Variants in PISD observed in about 807,000 individuals in gnomAD.
PISD encodes phosphatidylserine decarboxylase proenzyme, mitochondrial.
Under a neutral mutation model 43.5 loss-of-function variants are expected in PISD, and 31 were observed. The observed-to-expected ratio is 0.71, with a 90% confidence interval of 0.54 to 0.96. The LOEUF (loss-of-function observed/expected upper bound fraction) is 0.96, where lower values mean the gene tolerates loss of function less well. Among genes scored for constraint, PISD ranks in the 40% least tolerant of loss-of-function variants. The pLI, the probability that PISD is intolerant of heterozygous loss-of-function variation, is 0.00. For missense variants in PISD, 523 were observed against 548.4 expected, an observed-to-expected ratio of 0.95 and a Z score of 0.46; for synonymous variants, 259 against 228.7, an observed-to-expected ratio of 1.13 and a Z score of -1.20.
At chr22:31,644,901 G>A (rs1200038917) in intron 3 of PISD, among the ~76,000 whole-genome samples, 1 of 152,072 alleles carries the variant, frequency 6.6e-6, no homozygotes, top group Non-Finnish European at 1.5e-5. Flanking sequence ...GAGGCGGGTG[G>A]ATCATGAGGT....
At position 31,648,217 on chromosome 22, in the gene PISD, T is replaced by C. The variant is rs1465700568; in HGVS notation, c.205A>G (p.Ile69Val). ...RTMFLLRPLPILLVTGGGYAG... is the reference protein window; with the variant it reads ...RTMFLLRPLPVLLVTGGGYAG... ...TACCCGCCGCCTGTCACCAACAGAA[T>C]GGGCAGGGGACGCAGCAGGAACATG... The change falls in exon 3 of 8, where the codon ATT (isoleucine) becomes GTT (valine). Residue 69 changes from isoleucine (I) to valine (V), a missense_variant. Physicochemically the swap from Ile to Val is conservative, Grantham distance 29 (BLOSUM62 3). Transcript: ENST00000439502. 1.9e-6 allele frequency: 3 copies of C among 1,612,252 alleles called. No homozygotes were observed. The highest frequency in any genetic ancestry group is 1.3e-5 in the African/African-American group (1 of 74,974).
upstream of PISD, chr22:31,662,365 C>A (rs2074347827): frequency 1.4e-6 from 1 of 705,048 alleles, no homozygotes; most frequent in East Asian, 2.6e-5. Flanking sequence ...ACCTAACCCG[C>A]TTGGCACCTG....
Position 31,650,694 on chromosome 22 carries a change from C to T in PISD, c.145+5G>A. 1 of 1,532,568 alleles carries T rather than the reference C, an allele frequency of 6.5e-7. No individual in the cohort carries two copies. Among genetic ancestry groups the T allele is most frequent in the Non-Finnish European group, 8.8e-7 (1 of 1,130,178 alleles). The allele number at this position is 1,532,568 out of a possible 1,614,324, so 94.9% of individuals were successfully genotyped here. On this transcript the variant is annotated splice_donor_5th_base_variant and intron_variant, in intron 2 of 7. Transcript: ENST00000439502. ...GGGTCACCACCATCTCTAATTGCTCCTTACCTGTGCGAAAGGCTCTAAAAG... is the reference window on the plus strand; with the variant it reads ...GGGTCACCACCATCTCTAATTGCTCTTTACCTGTGCGAAAGGCTCTAAAAG...
At chr22:31,640,956 C>T (rs1168613692) in intron 3 of PISD, among the ~76,000 whole-genome samples, 12 of 129,206 alleles carry the variant, frequency 9.3e-5, no homozygotes, top group African/African-American at 1.4e-4. Context: ...GGCGCAATCT[C>T]GGCTCACTGC....
intron 3 of PISD, among the ~76,000 whole-genome samples, chr22:31,623,467 CACG>C (rs1336583703): frequency 6.6e-6 from 1 of 152,234 alleles, no homozygotes; most frequent in Non-Finnish European, 1.5e-5. Flanking sequence ...GTGGGCAGGG[CACG>C]ACATGCCCTC....
chr22:31,637,164 A>C (rs9306267), intron 3 of PISD, among the ~76,000 whole-genome samples: 8 of 13,654 alleles, frequency 5.9e-4, no homozygotes, highest in African/African-American at 2.5e-3. Flanking sequence ...AAAAAAAAAA[A>C]ATATATATAT....
intron 3 of PISD, chr22:31,629,425 T>C (rs1241731590): frequency 6.6e-6 from 1 of 151,064 alleles, no homozygotes; most frequent in Non-Finnish European, 1.4e-5. Context: ...GGTGTGAGGT[T>C]ATGTGCCTGG....
chr22:31,632,508 G>C (rs1430015096), intron 3 of PISD, among the ~76,000 whole-genome samples: 2 of 152,214 alleles, frequency 1.3e-5, no homozygotes, highest in Non-Finnish European at 2.9e-5. Flanking sequence ...TGTCTGTGTG[G>C]AGTGTGCACG....
intron 3 of PISD, among the ~76,000 whole-genome samples, chr22:31,646,455 G>A (rs2073890458): frequency 6.6e-6 from 1 of 152,118 alleles, no homozygotes; most frequent in Non-Finnish European, 1.5e-5. Context: ...AACTATGTAT[G>A]GCAATAACTC....
chr22:31,620,423 A>G, intron 7 of PISD, 130 bp downstream of exon 7: 1 of 867,382 alleles, frequency 1.2e-6, no homozygotes, highest in Non-Finnish European at 1.8e-6. Flanking sequence ...GCTGCTCAGC[A>G]GAGCCAGGCC....
Position 31,632,808 on chromosome 22 carries a change from A to G in PISD, c.322-10923T>C, listed in dbSNP as rs753530807. ...AAATGCATGTATAGCTCACATTTCA[A>G]TGGTTAATATTAGAAATGTTTGGGG... is the stretch of plus-strand genomic sequence containing the variant. On this transcript the variant is annotated intron_variant, in intron 3 of 7. Transcript: ENST00000439502. Among the ~76,000 whole-genome samples, 12 of 152,324 alleles carry G rather than the reference A, an allele frequency of 7.9e-5. No individual in the cohort carries two copies. In the South Asian group the frequency reaches 8.3e-4, roughly 11 times the overall value.
intron 1 of PISD, among the ~76,000 whole-genome samples, chr22:31,653,314 G>A (rs1018639629): frequency 2.6e-5 from 4 of 152,146 alleles, no homozygotes; most frequent in Non-Finnish European, 4.4e-5. Context: ...GAATTTTAAC[G>A]AGAAGTGCAA....
chr22:31,637,202 T>TAC (rs1569487702), intron 3 of PISD, among the ~76,000 whole-genome samples: 39 of 92,406 alleles, frequency 4.2e-4, no homozygotes, highest in Admixed American at 5.7e-4. Context: ...TATATATATA[T>TAC]ATATAGAAAA....
At chr22:31,660,866 T>C (rs968082262) in intron 1 of PISD, among the ~76,000 whole-genome samples, 2 of 152,154 alleles carry the variant, frequency 1.3e-5, no homozygotes, top group Admixed American at 1.3e-4. Context: ...CCCAAGTAGC[T>C]GGGATTACAG....
chr22:31,624,679 A>ACACC (rs1186874154), intron 3 of PISD, among the ~76,000 whole-genome samples: 4 of 145,740 alleles, frequency 2.7e-5, no homozygotes, highest in African/African-American at 1.0e-4. Context: ...ACACACACAC[A>ACACC]CCCATCCCAA....
Position 31,621,478 on chromosome 22 carries a change from A to G in PISD, c.559-6T>C. ...CTTCCATCCGATGGGCTAATCTGGA[A>G]GGGCAGGAGAGGCTTGCTGCCAGGG... On this transcript the variant is annotated splice_polypyrimidine_tract_variant and splice_region_variant and intron_variant, in intron 4 of 7. Transcript: ENST00000439502. The G allele has an allele frequency of 6.2e-7, 1 of 1,614,046 alleles. No individual in the cohort carries two copies. Among genetic ancestry groups the G allele is most frequent in the Non-Finnish European group, 8.5e-7 (1 of 1,179,994 alleles).
At position 31,650,166 on chromosome 22, in the gene PISD, G is replaced by A. The variant is rs370200517; in HGVS notation, c.145+533C>T. Among the ~76,000 whole-genome samples, 8 of 152,174 alleles carry A rather than the reference G, an allele frequency of 5.3e-5. No homozygotes were observed. In the East Asian group the frequency reaches 5.8e-4, roughly 11 times the overall value. ...ACAATGAGACCCCTTCACACCCATC[G>A]GAATGGCTATAATCAAAAAGACATA... is the stretch of plus-strand genomic sequence containing the variant. On this transcript the variant is annotated intron_variant, in intron 2 of 7. Transcript: ENST00000439502.
intron 3 of PISD, chr22:31,628,126 G>A: frequency 1.0e-6 from 1 of 985,672 alleles, no homozygotes; most frequent in Non-Finnish European, 1.2e-6. Context: ...ATCACCAGCT[G>A]TGGGCCCCAG....
At chr22:31,639,536 A>G (rs1036017245) in intron 3 of PISD, among the ~76,000 whole-genome samples, 3 of 152,168 alleles carry the variant, frequency 2.0e-5, no homozygotes, top group African/African-American at 4.8e-5. Flanking sequence ...CTGAAAGTGT[A>G]TATTTTCAAT....
Sources: gnomAD v4.1 joint callset for allele counts (sites outside exome capture counted in the v4.1 genomes callset) on GRCh38, gnomAD v4.1.1 for gene constraint, MANE v1.5 for transcripts, NCBI Gene and HGNC (gene_info 2026-07-23, HGNC 2026-07-21) for gene names.